Variants in MAP4K2 observed in about 807,000 individuals in gnomAD.
MAP4K2 encodes mitogen-activated protein kinase kinase kinase kinase 2.
In MAP4K2, 85 loss-of-function variants were observed where a neutral mutation model predicts 125.3. The observed-to-expected ratio is 0.68, with a 90% confidence interval of 0.57 to 0.81. The LOEUF is 0.81. MAP4K2 is among the 40% of genes least tolerant of loss of function. The pLI is 0.00. For synonymous variants in MAP4K2, 479 were observed against 445.1 expected (o/e 1.08, Z -0.96); for missense variants, 923 against 1,056.4 (o/e 0.87, Z 1.75).
In MAP4K2 at chr11:64,788,578, G is replaced by A. The variant is rs986833225; in HGVS notation, c.*959C>T. On this transcript the variant is annotated 3_prime_UTR_variant, in exon 32 of 32. Coordinates refer to ENST00000294066, the MANE Select transcript of MAP4K2 (RefSeq NM_004579.5). ...TGGGGGCTGGTCTGTTTCTGGTAGT[G>A]ACCCCAGGGCCTGGCACTGAGGCAG... is the stretch of plus-strand genomic sequence containing the variant. 1 of 152,260 alleles carries A rather than the reference G, an allele frequency of 6.6e-6. No individual in the cohort carries two copies. Among genetic ancestry groups the A allele is most frequent in the South Asian group, 2.1e-4 (1 of 4,836 alleles). The allele number at this position is 152,260 out of a possible 1,614,324, so 9.4% of individuals were successfully genotyped here. A position where few individuals can be genotyped will look rare whatever the true frequency, so the allele number is the denominator to read the frequency against.
chr11:64,790,537 C>T, intron 27 of MAP4K2, 75 bp from the exon 28 acceptor site: 1 of 1,391,582 alleles, frequency 7.2e-7, no homozygotes, highest in Non-Finnish European at 1.0e-6. Flanking sequence ...GGGGGCCAGG[C>T]TACAGACAGC....
chr11:64,802,939 G>A lies in MAP4K2; in HGVS notation c.100C>T (p.Arg34Cys). Reference protein sequence around the residue: ...AGTYGDVYKARDTVTSELAAV... With the variant: ...AGTYGDVYKACDTVTSELAAV... ...GCCAGTTCGGACGTGACCGTGTCGC[G>A]GGCCTGCAGGGGCGGAGGGTGAAGC... The change falls in exon 2 of 32, where the codon CGC (arginine) becomes TGC (cysteine). Residue 34 changes from arginine to cysteine, a missense_variant. Arg to Cys is a radical substitution (Grantham distance 180). Transcript: ENST00000294066. 6.3e-7 allele frequency: 1 copy of A among 1,577,436 alleles called. No individual in the cohort carries two copies. Among genetic ancestry groups the A allele is most frequent in the Non-Finnish European group, 8.6e-7 (1 of 1,162,604 alleles).
chr11:64,802,149 G>A (rs1941226115), intron 4 of MAP4K2, 28 bp from the exon 5 acceptor site: 1 of 1,600,680 alleles, frequency 6.2e-7, no homozygotes, highest in Non-Finnish European at 8.5e-7. Flanking sequence ...AGGCTGGCTT[G>A]GGGGCCCGGG....
chr11:64,802,975 G>GCGGGGC (rs1941330123), intron 1 of MAP4K2, 33 bp from the exon 2 acceptor site: 7 of 1,556,656 alleles, frequency 4.5e-6, no homozygotes, highest in Non-Finnish European at 6.1e-6. Context: ...GGGATGGGGG[G>GCGGGGC]CGGGGCCGGG....
At position 64,789,341 on chromosome 11, in the gene MAP4K2, G is replaced by A; in HGVS notation, c.*196C>T. 1 of 589,096 alleles carries A rather than the reference G, an allele frequency of 1.7e-6. No individual in the cohort carries two copies. The highest frequency in any genetic ancestry group is 3.0e-6 in the Non-Finnish European group (1 of 332,204). The allele number at this position is 589,096 out of a possible 1,614,324, so 36.5% of individuals were successfully genotyped here. A position where few individuals can be genotyped will look rare whatever the true frequency, so the allele number is the denominator to read the frequency against. Reference sequence around the variant, plus strand: ...GGGGGAGTGACAGCAGCTCCCCCTGGTCCAGTTATTGCAGAGGCGTCGGGG... The same window carrying A: ...GGGGGAGTGACAGCAGCTCCCCCTGATCCAGTTATTGCAGAGGCGTCGGGG... On this transcript the variant is annotated 3_prime_UTR_variant, in exon 32 of 32. Transcript: ENST00000294066.
chr11:64,802,371 G>C (rs1941257219), intron 4 of MAP4K2, 48 bp downstream of exon 4: 1 of 1,485,586 alleles, frequency 6.7e-7, no homozygotes, highest in Non-Finnish European at 9.0e-7. Context: ...AGTGGGGTAG[G>C]GGTGGGGGAA....
chr11:64,802,344 G>A, intron 4 of MAP4K2, 75 bp downstream of exon 4: 1 of 1,425,868 alleles, frequency 7.0e-7, no homozygotes, highest in South Asian at 1.3e-5. Flanking sequence ...AGGGCCCAGA[G>A]TCCCCTCTGG....
In MAP4K2 at chr11:64,802,405, A is replaced by G. The variant is rs1238009346; in HGVS notation, c.310+14T>C. 9 of 1,487,350 alleles carry G rather than the reference A, an allele frequency of 6.1e-6. No individual in the cohort carries two copies. In the African/African-American group the frequency reaches 1.3e-4, roughly 21 times the overall value. 92.1% of individuals were successfully genotyped at this position (1,487,350 alleles called of 1,614,324 possible). A position where few individuals can be genotyped will look rare whatever the true frequency, so the allele number is the denominator to read the frequency against. On this transcript the variant is annotated intron_variant, in intron 4 of 31. Transcript: ENST00000294066. ...AAGGCTGGGGCCTGCTGGGGCCTGG[A>G]GCCCTGGCCTCACCATGGTAAATCT...
At chr11:64,794,721 T>G (rs911088323) in intron 24 of MAP4K2, among the ~76,000 whole-genome samples, 7 of 152,078 alleles carry the variant, frequency 4.6e-5, no homozygotes, top group African/African-American at 1.7e-4. Flanking sequence ...CATACTAACA[T>G]ATACTTGCTC....
rs749892154 is a variant in MAP4K2, at chr11:64,791,949, G to A, written c.2052C>T (p.Pro684=). Residue 684 remains proline, a synonymous_variant, in exon 27 of 32, where the codon CCC becomes CCT. Coordinates refer to ENST00000294066, the MANE Select transcript of MAP4K2 (RefSeq NM_004579.5). ...PGCRVLFHVL[P]LEAGLTPDIL... is the part of the protein sequence containing the mutation. Reference sequence around the variant, plus strand: ...TGTCGGGCGTCAGGCCAGCCTCCAGGGGCAGGACATGGAACAGGACGCGGC... The same window carrying A: ...TGTCGGGCGTCAGGCCAGCCTCCAGAGGCAGGACATGGAACAGGACGCGGC... 1.2e-6 allele frequency: 2 copies of A among 1,605,436 alleles called. No individual in the cohort carries two copies. The highest frequency in any genetic ancestry group is 1.7e-5 in the Admixed American group (1 of 59,140).
intron 11 of MAP4K2, 29 bp from the exon 12 acceptor site, chr11:64,800,245 G>A (rs1565623397): frequency 6.2e-7 from 1 of 1,612,208 alleles, no homozygotes; most frequent in Non-Finnish European, 8.5e-7. Context: ...GGGTGATCAG[G>A]TTGGCCCCTG....
Position 64,791,995 on chromosome 11 carries a change from T to A in MAP4K2, c.2006A>T (p.Glu669Val), listed in dbSNP as rs755547581. The A allele has an allele frequency of 1.2e-6, 2 of 1,601,616 alleles. No individual in the cohort carries two copies. The highest frequency in any genetic ancestry group is 4.5e-5 in the East Asian group (2 of 44,408). The change falls in exon 27 of 32, where the codon GAG (glutamate) becomes GTG (valine). Residue 669 changes from glutamate to valine, a missense_variant. By Grantham distance (121) the Glu-to-Val change is moderately radical. This residue lies in a region of MAP4K2 where 833 missense variants were observed against 911.4 expected (regional missense o/e 0.91). Coordinates refer to ENST00000294066, the MANE Select transcript of MAP4K2 (RefSeq NM_004579.5). ...KELPQVCVGA[E>V]GPEGPGCRVL... is the part of the protein sequence containing the mutation. ...GCGGCAGCCGGGCCCCTCAGGCCCC[T>A]CGGCCCCAACACACACCTGCGGCAG...
intron 4 of MAP4K2, 102 bp from the exon 5 acceptor site, chr11:64,802,223 C>G: frequency 8.4e-7 from 1 of 1,195,590 alleles, no homozygotes; most frequent in Non-Finnish European, 1.2e-6. Context: ...TAAATGAAAG[C>G]GGTGTTGGCC....
rs1940242793 is a variant in MAP4K2, at chr11:64,787,444, TC to T, written c.*2092del. ...AAATTGCTTAAATACGCAAAATACT[TC>T]TAGAAGGGTTCATAAGTAACTGAGA... On this transcript the variant is annotated 3_prime_UTR_variant, in exon 32 of 32. Transcript: ENST00000294066. 1 of 152,132 alleles carries T rather than the reference TC, an allele frequency of 6.6e-6. No homozygotes were observed. Among genetic ancestry groups the T allele is most frequent in the African/African-American group, 2.4e-5 (1 of 41,416 alleles). 9.4% of individuals were successfully genotyped at this position (152,132 alleles called of 1,614,324 possible). A position where few individuals can be genotyped will look rare whatever the true frequency, so the allele number is the denominator to read the frequency against.
intron 24 of MAP4K2, among the ~76,000 whole-genome samples, chr11:64,792,770 G>A (rs954480618): frequency 2.0e-5 from 3 of 152,214 alleles, no homozygotes; most frequent in Non-Finnish European, 4.4e-5. Flanking sequence ...GAGAGTCACA[G>A]TGAAGGCTTC....
intron 15 of MAP4K2, among the ~76,000 whole-genome samples, 196 bp from the exon 16 acceptor site, chr11:64,797,860 C>A (rs894919246): frequency 1.3e-5 from 2 of 152,018 alleles, no homozygotes; most frequent in Non-Finnish European, 2.9e-5. Context: ...CGCCCGCCAC[C>A]GCACCCGGCT....
At chr11:64,801,912 C>G (rs1002241090) in intron 5 of MAP4K2, 154 bp downstream of exon 5, 2 of 1,125,126 alleles carry the variant, frequency 1.8e-6, no homozygotes, top group South Asian at 1.4e-5. Flanking sequence ...GGACTGCTTC[C>G]GGCAACAGGG....
rs769178345 is a variant in MAP4K2, at chr11:64,800,296, C to T, written c.807+15G>A. 10 of 1,613,460 alleles carry T rather than the reference C, an allele frequency of 6.2e-6. No homozygotes were observed. In the South Asian group the frequency reaches 9.9e-5, roughly 16 times the overall value. ...TTTGAGTACTGGGCCTCTCTCCCGG[C>T]CCCCTGCCTCCCACCTGCAGGAGCT... On this transcript the variant is annotated intron_variant, in intron 11 of 31. Transcript: ENST00000294066.
intron 15 of MAP4K2, among the ~76,000 whole-genome samples, chr11:64,797,956 C>T (rs1210467186): frequency 2.6e-5 from 4 of 151,232 alleles, no homozygotes; most frequent in South Asian, 4.2e-4. Context: ...CCGCCCACCT[C>T]GGCCTCCCAA....
Sources: gnomAD v4.1 joint callset for allele counts (sites outside exome capture counted in the v4.1 genomes callset) on GRCh38, gnomAD v4.1.1 for gene constraint, gnomAD v4.1.1 regional missense constraint, MANE v1.5 for transcripts, NCBI Gene and HGNC (gene_info 2026-07-23, HGNC 2026-07-21) for gene names.